Variants in LRRC4C observed in about 807,000 individuals in gnomAD.
LRRC4C encodes leucine rich repeat containing 4C, also known as leucine-rich repeat-containing protein 4C.
Under a neutral mutation model 33.6 loss-of-function variants are expected in LRRC4C, and 5 were observed. That is an observed-to-expected ratio of 0.15 (90% confidence interval 0.08 to 0.31). LRRC4C has a LOEUF of 0.31. Among genes scored for constraint, LRRC4C ranks in the 10% least tolerant of loss-of-function variants. LRRC4C has a pLI of 1.00. For missense variants in LRRC4C, 560 were observed against 796.7 expected, an observed-to-expected ratio of 0.70 and a Z score of 3.58; for synonymous variants, 329 against 302.0, an observed-to-expected ratio of 1.09 and a Z score of -0.93.
At chr11:40,551,704 C>T in intron 3 of LRRC4C, among the ~76,000 whole-genome samples, 1 of 152,168 alleles carries the variant, frequency 6.6e-6, no homozygotes, top group East Asian at 1.9e-4. Flanking sequence ...TTCATTATCT[C>T]ACTTCATCTG....
chr11:40,391,912 G>A (rs1438209741), intron 3 of LRRC4C, among the ~76,000 whole-genome samples: 3 of 152,250 alleles, frequency 2.0e-5, no homozygotes, highest in East Asian at 1.9e-4. Context: ...TTCACCAGGC[G>A]GGTGGATAAA....
At chr11:41,269,281 A>AT (rs61197286) in intron 1 of LRRC4C, among the ~76,000 whole-genome samples, 151,471 of 151,750 alleles carry the variant, frequency 1, 75,596 homozygotes, top group East Asian at 1. Flanking sequence ...TCCTTTTATT[A>AT]TTATTTATTT....
chr11:41,024,062 G>T (rs1402296412), intron 1 of LRRC4C, among the ~76,000 whole-genome samples: 2 of 151,120 alleles, frequency 1.3e-5, no homozygotes, highest in Admixed American at 6.6e-5. Context: ...TCAGTATTTT[G>T]CTTGTGACTA....
At chr11:40,498,977 C>T (rs937856784) in intron 3 of LRRC4C, among the ~76,000 whole-genome samples, 1 of 152,130 alleles carries the variant, frequency 6.6e-6, no homozygotes, top group African/African-American at 2.4e-5. Context: ...TTCCTTTCCT[C>T]TCCCCATGTT....
chr11:40,706,050 G>A lies in LRRC4C; in HGVS notation c.-406-57772C>T, dbSNP rs571231751. On this transcript the variant is annotated intron_variant, in intron 2 of 6. Coordinates refer to ENST00000528697, the MANE Select transcript of LRRC4C (RefSeq NM_001258419.2). Reference sequence around the variant, plus strand: ...TATCCTTTGCCCACATTTCCATGGGGTTATTTGATTTTTTTTTCTTGTAAA... The same window carrying A: ...TATCCTTTGCCCACATTTCCATGGGATTATTTGATTTTTTTTTCTTGTAAA... 2.0e-5 allele frequency among the ~76,000 whole-genome samples: 3 copies of A among 152,194 alleles called. No homozygotes were observed. The South Asian group carries it at 6.2e-4, about 32-fold the overall frequency.
chr11:40,872,879 T>C (rs774325764), intron 2 of LRRC4C, among the ~76,000 whole-genome samples: 16 of 152,214 alleles, frequency 1.1e-4, no homozygotes, highest in Non-Finnish European at 2.2e-4. Flanking sequence ...CATTTTTTAA[T>C]TGATGTTATC....
intron 1 of LRRC4C, among the ~76,000 whole-genome samples, chr11:41,110,504 G>A (rs2135697017): frequency 6.6e-6 from 1 of 152,122 alleles, no homozygotes; most frequent in Non-Finnish European, 1.5e-5. Flanking sequence ...CTTCTAAACT[G>A]TACTCCTAGA....
At chr11:40,154,457 C>T (rs993230223) in intron 5 of LRRC4C, among the ~76,000 whole-genome samples, 18 of 152,148 alleles carry the variant, frequency 1.2e-4, no homozygotes, top group Admixed American at 7.2e-4. Flanking sequence ...CTATCTGCTA[C>T]CTTCAGGAGA....
chr11:40,436,423 G>A (rs1046154665), intron 3 of LRRC4C, among the ~76,000 whole-genome samples: 2 of 152,170 alleles, frequency 1.3e-5, no homozygotes, highest in Non-Finnish European at 2.9e-5. Flanking sequence ...GGAAGTAGGA[G>A]TGTGACTTGA....
chr11:41,379,704 T>A lies in LRRC4C; in HGVS notation c.-496+79727A>T, dbSNP rs375846631. Among the ~76,000 whole-genome samples, 7 of 152,186 alleles carry A rather than the reference T, an allele frequency of 4.6e-5. No homozygotes were observed. In the East Asian group the frequency reaches 9.7e-4, roughly 21 times the overall value. ...TTCTTTTGGATTTGTTTCTTGATGT[T>A]CCTGCCTCAGTGTGCCTCAGTACTT... On this transcript the variant is annotated intron_variant, in intron 1 of 6. Transcript: ENST00000528697.
intron 3 of LRRC4C, among the ~76,000 whole-genome samples, chr11:40,530,444 C>A (rs2135304803): frequency 6.7e-6 from 1 of 149,188 alleles, no homozygotes; most frequent in South Asian, 2.1e-4. Flanking sequence ...AGCCCAGGTT[C>A]TCTTATCAGA....
intron 2 of LRRC4C, among the ~76,000 whole-genome samples, chr11:40,922,011 A>G (rs192372838): frequency 6.6e-6 from 1 of 152,180 alleles, no homozygotes; most frequent in Non-Finnish European, 1.5e-5. Flanking sequence ...TCATGAGTAT[A>G]ACAAATTCAA....
chr11:40,501,904 G>A (rs1174877915), intron 3 of LRRC4C, among the ~76,000 whole-genome samples: 1 of 152,144 alleles, frequency 6.6e-6, no homozygotes, highest in Admixed American at 6.6e-5. Flanking sequence ...AAAATTTTCT[G>A]AACTTTTATG....
At chr11:40,441,752 C>T (rs1951405429) in intron 3 of LRRC4C, among the ~76,000 whole-genome samples, 1 of 152,140 alleles carries the variant, frequency 6.6e-6, no homozygotes, top group Non-Finnish European at 1.5e-5. Flanking sequence ...TACAGGGTTG[C>T]TGTGAAGATC....
chr11:41,034,606 CGTATAT>C (rs1176482399), intron 1 of LRRC4C, among the ~76,000 whole-genome samples: 1,539 of 108,400 alleles, frequency 0.014, 18 homozygotes, highest in South Asian at 0.035. Flanking sequence ...AATATGGTGA[CGTATAT>C]ATATATATAT....
chr11:40,563,137 A>G (rs2135517994), intron 3 of LRRC4C, among the ~76,000 whole-genome samples: 1 of 152,266 alleles, frequency 6.6e-6, no homozygotes, highest in East Asian at 1.9e-4. Context: ...TGGTTTGAGA[A>G]AGTATGTAAT....
In LRRC4C at chr11:40,191,865, C is replaced by A. The variant is rs559654333; in HGVS notation, c.-96+49654G>T. 7.9e-5 allele frequency among the ~76,000 whole-genome samples: 12 copies of A among 152,140 alleles called. No homozygotes were observed. The South Asian group carries it at 2.5e-3, about 32-fold the overall frequency. On this transcript the variant is annotated intron_variant, in intron 5 of 6. Transcript: ENST00000528697. ...GTCCCAGCTACTCAGGAGGCTGAGG[C>A]AAAAGAATCGCTTGAGCCCAAGAGG...
chr11:40,244,970 G>A (rs544568238), intron 4 of LRRC4C, among the ~76,000 whole-genome samples: 1 of 152,176 alleles, frequency 6.6e-6, no homozygotes, highest in South Asian at 2.1e-4. Context: ...AAAAAACTAG[G>A]ACAAAATTGC....
At chr11:40,377,448 A>G (rs972616162) in intron 3 of LRRC4C, among the ~76,000 whole-genome samples, 15 of 152,122 alleles carry the variant, frequency 9.9e-5, no homozygotes, top group African/African-American at 2.4e-5. Flanking sequence ...CTATGTTTCA[A>G]TGTTGGTGTA....
Sources: allele counts gnomAD v4.1 joint callset (sites outside exome capture counted in the v4.1 genomes callset), GRCh38; gene constraint gnomAD v4.1.1; transcripts MANE v1.5; gene names NCBI Gene and HGNC (gene_info 2026-07-23, HGNC 2026-07-21).